MAST4: variants seen among roughly 807,000 people sequenced by gnomAD.
MAST4 encodes the protein microtubule associated serine/threonine kinase family member 4, also known as microtubule-associated serine/threonine-protein kinase 4.
A neutral mutation model predicts 162.7 loss-of-function variants in MAST4; 89 were observed. That is an observed-to-expected ratio of 0.55 (90% confidence interval 0.46 to 0.65). The LOEUF (loss-of-function observed/expected upper bound fraction) is 0.65, where lower values mean the gene tolerates loss of function less well. MAST4 is among the 30% of genes least tolerant of loss of function. The pLI is 0.00. For synonymous variants in MAST4, 1,479 were observed against 1,361.1 expected (o/e 1.09, Z -1.91); for missense variants, 3,153 against 3,374.0 (o/e 0.93, Z 1.62).
At chr5:67,074,622 A>C (rs1462136585) in intron 5 of MAST4, among the ~76,000 whole-genome samples, 3 of 152,230 alleles carry the variant, frequency 2.0e-5, no homozygotes, top group African/African-American at 7.2e-5. Flanking sequence ...TTTAAAAATC[A>C]CATTTTTGAA....
At chr5:67,160,338 G>T in intron 26 of MAST4, 118 bp from the exon 27 acceptor site, 1 of 1,044,428 alleles carries the variant, frequency 9.6e-7, no homozygotes, top group Non-Finnish European at 1.3e-6. Flanking sequence ...TTTAGAAACA[G>T]AAGGCCTTTT....
At chr5:66,650,034 A>G (rs960286392) in intron 1 of MAST4, among the ~76,000 whole-genome samples, 15 of 151,992 alleles carry the variant, frequency 9.9e-5, no homozygotes, top group Non-Finnish European at 1.9e-4. Flanking sequence ...CTAATTGACC[A>G]TGCTCCAACT....
At chr5:66,715,575 ACGAG>A (rs1750776985) in intron 1 of MAST4, among the ~76,000 whole-genome samples, 1 of 151,424 alleles carries the variant, frequency 6.6e-6, no homozygotes, top group South Asian at 2.1e-4. Context: ...ATGCTAAATG[ACGAG>A]TTAATGGGTG....
In MAST4 at chr5:67,165,414, G is replaced by A. The variant is rs763506787; in HGVS notation, c.6235G>A (p.Val2079Met). Reference sequence around the variant, plus strand: ...GGAGCTGGGCAAGGTGAGGCGTGGCGTGGAACCCAAGCCCGAAGCGCTTCT... The same window carrying A: ...GGAGCTGGGCAAGGTGAGGCGTGGCATGGAACCCAAGCCCGAAGCGCTTCT... ...EKELGKVRRG[V>M]EPKPEALLAR... Residue 2079 changes from valine to methionine, a missense_variant, in exon 29 of 29, where the codon GTG (valine) becomes ATG (methionine). By Grantham distance (21) the Val-to-Met change is conservative. Transcript: ENST00000403625. 1.9e-6 allele frequency: 3 copies of A among 1,613,756 alleles called. No homozygotes were observed. In the African/African-American group the frequency reaches 4.0e-5, roughly 22 times the overall value.
At chr5:67,020,222 A>G (rs1753804119) in intron 4 of MAST4, among the ~76,000 whole-genome samples, 1 of 152,194 alleles carries the variant, frequency 6.6e-6, no homozygotes, top group South Asian at 2.1e-4. Flanking sequence ...CTGAAGGACA[A>G]TTGCCACATC....
At chr5:66,664,349 C>T (rs986858358) in intron 1 of MAST4, among the ~76,000 whole-genome samples, 38 of 147,630 alleles carry the variant, frequency 2.6e-4, no homozygotes, top group African/African-American at 7.6e-4. Context: ...GTAGGAGAAT[C>T]GCTTGAACCC....
chr5:66,650,684 G>A (rs372220226), intron 1 of MAST4, among the ~76,000 whole-genome samples: 49 of 150,194 alleles, frequency 3.3e-4, no homozygotes, highest in East Asian at 2.3e-3. Flanking sequence ...ACTGGCTCCA[G>A]TATATCAGTG....
intron 2 of MAST4, among the ~76,000 whole-genome samples, chr5:66,766,280 TC>T (rs998956890): frequency 3.3e-5 from 5 of 151,926 alleles, no homozygotes; most frequent in Non-Finnish European, 5.9e-5. Context: ...GTGTTTTTTT[TC>T]CCCCCAAATG....
intron 4 of MAST4, among the ~76,000 whole-genome samples, chr5:66,907,396 A>G (rs1295634299): frequency 6.6e-6 from 1 of 152,212 alleles, no homozygotes; most frequent in Non-Finnish European, 1.5e-5. Context: ...CAGGATCAGC[A>G]GTTCGGTATT....
chr5:66,596,462 G>T lies in MAST4; in HGVS notation c.-194G>T, dbSNP rs1313085255. 1.6e-6 allele frequency: 1 copy of T among 621,102 alleles called. No individual in the cohort carries two copies. Among genetic ancestry groups the T allele is most frequent in the Non-Finnish European group, 2.3e-6 (1 of 429,234 alleles). The allele number at this position is 621,102 out of a possible 1,614,324, so 38.5% of individuals were successfully genotyped here. On this transcript the variant is annotated 5_prime_UTR_variant, in exon 1 of 29. Transcript: ENST00000403625. ...CGCGGGAGCCTCCGTTTGCGGCCGGGCCCGGGCGGCTGTGAACTTAGCAGC... is the reference window on the plus strand; with the variant it reads ...CGCGGGAGCCTCCGTTTGCGGCCGGTCCCGGGCGGCTGTGAACTTAGCAGC...
intron 1 of MAST4, among the ~76,000 whole-genome samples, chr5:66,700,445 G>A (rs1476189426): frequency 6.6e-6 from 1 of 151,972 alleles, no homozygotes; most frequent in Non-Finnish European, 1.5e-5. Context: ...AACCTTGTCA[G>A]AACTGGTGGG....
In MAST4 at chr5:66,753,185, C is replaced by T. The variant is rs1753298526; in HGVS notation, c.364-6524C>T. ...AGGGAAACTTATAGCACTAAATGCC[C>T]AAAAGAGAAAGCAGGAAAGATCCAA... is the stretch of plus-strand genomic sequence containing the variant. On this transcript the variant is annotated intron_variant, in intron 1 of 28. Transcript: ENST00000403625. Among the ~76,000 whole-genome samples the T allele has an allele frequency of 8.6e-5, 13 of 151,944 alleles. No individual in the cohort carries two copies. In the South Asian group the frequency reaches 2.7e-3, roughly 32 times the overall value.
Position 66,788,810 on chromosome 5 carries a change from C to T in MAST4, c.642+16C>T, listed in dbSNP as rs745370349. On this transcript the variant is annotated intron_variant, in intron 3 of 28. Coordinates refer to ENST00000403625, the MANE Select transcript of MAST4 (RefSeq NM_001164664.2). The stretch of plus-strand genomic sequence containing the variant: ...CGCCAGCCTGGTGAGTGTCCGCGGG[C>T]GCCGGTGGAGGCTGCTCCAGCTCAC... 37 of 1,542,688 alleles carry T rather than the reference C, an allele frequency of 2.4e-5. No individual in the cohort carries two copies. Among genetic ancestry groups the T allele is most frequent in the Middle Eastern group, 2.1e-4 (1 of 4,716 alleles).
At chr5:66,745,297 C>T (rs1423603509) in intron 1 of MAST4, among the ~76,000 whole-genome samples, 2 of 152,066 alleles carry the variant, frequency 1.3e-5, no homozygotes, top group African/African-American at 4.8e-5. Flanking sequence ...CCATAGGAAG[C>T]AGTTGCTGCC....
intron 4 of MAST4, among the ~76,000 whole-genome samples, chr5:66,957,837 G>A (rs1469021798): frequency 6.6e-6 from 1 of 152,164 alleles, no homozygotes; most frequent in Non-Finnish European, 1.5e-5. Flanking sequence ...CCAGAGCCAG[G>A]TGCAGGCATA....
chr5:66,820,368 A>T (rs1285060193), intron 3 of MAST4, among the ~76,000 whole-genome samples: 1 of 152,204 alleles, frequency 6.6e-6, no homozygotes, highest in African/African-American at 2.4e-5. Context: ...GAGTTTCTAA[A>T]GCTTTTCAAT....
chr5:66,607,278 G>A (rs1742956300), intron 1 of MAST4, among the ~76,000 whole-genome samples: 1 of 152,142 alleles, frequency 6.6e-6, no homozygotes, highest in Non-Finnish European at 1.5e-5. Context: ...TAAAAGTTTA[G>A]ATTAAGCGTC....
intron 4 of MAST4, among the ~76,000 whole-genome samples, chr5:66,966,858 G>T (rs1746796239): frequency 6.6e-6 from 1 of 152,192 alleles, no homozygotes; most frequent in African/African-American, 2.4e-5. Context: ...GCAATTTCTA[G>T]CATTAGTGAC....
chr5:66,872,699 A>G (rs1461050904), intron 3 of MAST4, among the ~76,000 whole-genome samples: 1 of 152,196 alleles, frequency 6.6e-6, no homozygotes, highest in East Asian at 1.9e-4. Flanking sequence ...ATATGGTTTC[A>G]TCATGTAACA....
Sources: gnomAD v4.1 joint callset for allele counts (sites outside exome capture counted in the v4.1 genomes callset) on GRCh38, gnomAD v4.1.1 for gene constraint, MANE v1.5 for transcripts, NCBI Gene and HGNC (gene_info 2026-07-23, HGNC 2026-07-21) for gene names.